The following GALNT10 variants were observed in gnomAD, a reference collection of about 807,000 sequenced individuals.
GALNT10 encodes GalNAc transferase 10.
A neutral mutation model predicts 75.0 loss-of-function variants in GALNT10; 41 were observed. That is an observed-to-expected ratio of 0.55 (90% CI 0.43 to 0.71). The LOEUF (loss-of-function observed/expected upper bound fraction) is 0.71, where lower values mean the gene tolerates loss of function less well. Ranked by LOEUF, GALNT10 falls within the 30% of genes least tolerant of loss-of-function variation. GALNT10 has a pLI of 0.00. For synonymous variants in GALNT10, 302 were observed against 313.0 expected, an observed-to-expected ratio of 0.96 and a Z score of 0.37; for missense variants, 727 against 818.5, an observed-to-expected ratio of 0.89 and a Z score of 1.36.
At chr5:154,221,905 G>A (rs1752985486) in intron 1 of GALNT10, among the ~76,000 whole-genome samples, 1 of 152,062 alleles carries the variant, frequency 6.6e-6, no homozygotes, top group African/African-American at 2.4e-5. Flanking sequence ...TGGACTGCCT[G>A]CTTGTTTTTT....
At chr5:154,350,935 C>T (rs153419) in intron 4 of GALNT10, among the ~76,000 whole-genome samples, 1 of 152,202 alleles carries the variant, frequency 6.6e-6, no homozygotes, top group Admixed American at 6.5e-5. Context: ...TGGGTCCCCC[C>T]ACTTGTAGTT....
At chr5:154,297,801 TG>T in intron 2 of GALNT10, 139 bp from the exon 3 acceptor site, 1 of 672,144 alleles carries the variant, frequency 1.5e-6, no homozygotes, top group South Asian at 1.9e-5. Context: ...CTCTTTGTAC[TG>T]AGCAAAAACT....
At chr5:154,265,977 T>TA (rs1190526381) in intron 1 of GALNT10, among the ~76,000 whole-genome samples, 1 of 152,142 alleles carries the variant, frequency 6.6e-6, no homozygotes, top group Non-Finnish European at 1.5e-5. Flanking sequence ...ATGAGAACTT[T>TA]AAAAAACTCA....
chr5:154,414,340 AAAACTGG>A (rs1421357069), intron 10 of GALNT10, among the ~76,000 whole-genome samples: 2 of 152,254 alleles, frequency 1.3e-5, no homozygotes, highest in Non-Finnish European at 2.9e-5. Context: ...GTAATAGCCA[AAAACTGG>A]AAACCACCAA....
rs17116004 is a variant in GALNT10, at chr5:154,373,983, A to G, written c.569-2294A>G. On this transcript the variant is annotated intron_variant, in intron 4 of 11. Coordinates refer to ENST00000297107, the MANE Select transcript of GALNT10 (RefSeq NM_198321.4). ...GGTGTGTGGTACAGGAGATTATCTCATTCTCGTTGTAATGACCTATCAGTT... is the reference window on the plus strand; with the variant it reads ...GGTGTGTGGTACAGGAGATTATCTCGTTCTCGTTGTAATGACCTATCAGTT... Among the ~76,000 whole-genome samples, 404 of 152,274 alleles carry G rather than the reference A, an allele frequency of 2.7e-3. 12 individuals are homozygous for G. Among genetic ancestry groups the G allele is most frequent in the Admixed American group, 0.023 (355 of 15,288 alleles).
chr5:154,261,322 T>C (rs1034005263), intron 1 of GALNT10, among the ~76,000 whole-genome samples: 2 of 151,856 alleles, frequency 1.3e-5, no homozygotes, highest in African/African-American at 4.8e-5. Context: ...GAAACGGAGC[T>C]CCAGAGCAGG....
chr5:154,318,417 A>T (rs1385910461), intron 3 of GALNT10, among the ~76,000 whole-genome samples: 6 of 147,926 alleles, frequency 4.1e-5, no homozygotes, highest in Non-Finnish European at 7.4e-5. Flanking sequence ...AATTAATAGG[A>T]TTGATAAATT....
rs150965466 is a variant in GALNT10, at chr5:154,256,200, C to T, written c.160-38616C>T. Among the ~76,000 whole-genome samples the T allele has an allele frequency of 1.5e-3, 234 of 152,198 alleles. 1 individual carries two copies. The highest frequency in any genetic ancestry group is 3.3e-3 in the Admixed American group (50 of 15,270). ...AGTTGGAGAACATGCCCACCATCCC[C>T]GGGGTCATCTCTGCCAACTTAGCTC... On this transcript the variant is annotated intron_variant, in intron 1 of 11. Coordinates refer to ENST00000297107, the MANE Select transcript of GALNT10 (RefSeq NM_198321.4).
At chr5:154,406,315 G>A (rs1219996112) in intron 8 of GALNT10, 1 of 152,146 alleles carries the variant, frequency 6.6e-6, no homozygotes, top group Admixed American at 6.5e-5. Context: ...CTGAAGCATC[G>A]TCCTGTGTTT....
intron 1 of GALNT10, among the ~76,000 whole-genome samples, chr5:154,250,173 T>C (rs1266992938): frequency 6.6e-6 from 1 of 152,200 alleles, no homozygotes; most frequent in Non-Finnish European, 1.5e-5. Context: ...CAGCCCCCTA[T>C]GTGTTTCTGT....
chr5:154,377,056 G>C (rs1433418325), intron 5 of GALNT10, among the ~76,000 whole-genome samples: 2 of 152,190 alleles, frequency 1.3e-5, no homozygotes, highest in African/African-American at 4.8e-5. Flanking sequence ...TTGCCTCCCT[G>C]TATTCACTTC....
chr5:154,258,332 C>T (rs1202686098), intron 1 of GALNT10, among the ~76,000 whole-genome samples: 1 of 152,202 alleles, frequency 6.6e-6, no homozygotes, highest in Non-Finnish European at 1.5e-5. Flanking sequence ...CTGCTTATTC[C>T]TTACATTATG....
intron 1 of GALNT10, among the ~76,000 whole-genome samples, chr5:154,293,759 C>T (rs1036965458): frequency 2.6e-5 from 4 of 151,976 alleles, no homozygotes; most frequent in African/African-American, 9.7e-5. Flanking sequence ...CACTCCTTCT[C>T]CTTGGGCCAC....
At chr5:154,253,122 T>C (rs970274412) in intron 1 of GALNT10, among the ~76,000 whole-genome samples, 3 of 151,740 alleles carry the variant, frequency 2.0e-5, no homozygotes, top group African/African-American at 7.3e-5. Context: ...TTACGTCGTA[T>C]ACCTTAGAGC....
intron 1 of GALNT10, among the ~76,000 whole-genome samples, chr5:154,238,202 C>T (rs529669611): frequency 1.8e-4 from 27 of 152,114 alleles, no homozygotes; most frequent in African/African-American, 6.3e-4. Flanking sequence ...GAAAGGAAGT[C>T]GCCTCACACC....
intron 7 of GALNT10, chr5:154,388,460 A>C (rs1276269363): frequency 6.6e-6 from 1 of 152,074 alleles, no homozygotes; most frequent in Admixed American, 6.5e-5. Context: ...TCCTCACAAC[A>C]ACCTTAGGAG....
intron 3 of GALNT10, among the ~76,000 whole-genome samples, chr5:154,302,669 T>C (rs1754378075): frequency 6.6e-6 from 1 of 152,146 alleles, no homozygotes. Flanking sequence ...CTTTCTCCAT[T>C]CCATAGTTTT....
At chr5:154,208,887 C>T (rs2113646969) in intron 1 of GALNT10, among the ~76,000 whole-genome samples, 1 of 152,246 alleles carries the variant, frequency 6.6e-6, no homozygotes, top group South Asian at 2.1e-4. Context: ...TAACAGCACC[C>T]AAGGAAGAGG....
rs113996193 is a variant in GALNT10 at position 154,235,922 on chromosome 5, C to A, written c.159+44897C>A. On this transcript the variant is annotated intron_variant, in intron 1 of 11. Coordinates refer to ENST00000297107, the MANE Select transcript of GALNT10 (RefSeq NM_198321.4). ...AGGAAGCAAAGCCAGACCTGGAAAT[C>A]CATAATTTTAGAATAGGGATCCTTT... 4.5e-3 allele frequency among the ~76,000 whole-genome samples: 682 copies of A among 152,268 alleles called. 5 individuals are homozygous for A. Among genetic ancestry groups the A allele is most frequent in the African/African-American group, 0.016 (663 of 41,552 alleles).
Sources: allele counts gnomAD v4.1 joint callset (sites outside exome capture counted in the v4.1 genomes callset), GRCh38; gene constraint gnomAD v4.1.1; transcripts MANE v1.5; gene names NCBI Gene and HGNC (gene_info 2026-07-23, HGNC 2026-07-21).